The following COG5 variants were observed in gnomAD, a reference collection of about 807,000 sequenced individuals.
The protein encoded by COG5 is component of oligomeric golgi complex 5.
In COG5, 86 loss-of-function variants were observed where a neutral mutation model predicts 110.4. The observed-to-expected ratio is 0.78, with a 90% CI of 0.65 to 0.93. The LOEUF (loss-of-function observed/expected upper bound fraction) is 0.93, where lower values mean the gene tolerates loss of function less well. COG5 is among the 40% of genes least tolerant of loss of function. The pLI, the probability that COG5 is intolerant of heterozygous loss-of-function variation, is 0.00. For missense variants in COG5, 1,077 were observed against 987.0 expected, an observed-to-expected ratio of 1.09 and a Z score of -1.22; for synonymous variants, 360 against 334.6, an observed-to-expected ratio of 1.08 and a Z score of -0.83.
intron 6 of COG5, among the ~76,000 whole-genome samples, chr7:107,446,589 T>C (rs377057973): frequency 6.6e-6 from 1 of 152,132 alleles, no homozygotes; most frequent in African/African-American, 2.4e-5. Context: ...TAAAAAACAT[T>C]ATGGCTTCTA....
At chr7:107,369,510 C>A (rs1813934099) in intron 8 of COG5, among the ~76,000 whole-genome samples, 1 of 151,600 alleles carries the variant, frequency 6.6e-6, no homozygotes, top group African/African-American at 2.4e-5. Flanking sequence ...CCTCAGCCTC[C>A]TGAATAGCTG....
chr7:107,378,517 G>C (rs1375487002), intron 7 of COG5, among the ~76,000 whole-genome samples: 1 of 152,040 alleles, frequency 6.6e-6, no homozygotes, highest in African/African-American at 2.4e-5. Context: ...AGGAAGCTAA[G>C]AACCTTGAAA....
chr7:107,477,916 C>T (rs911004356), intron 6 of COG5, among the ~76,000 whole-genome samples: 2 of 151,638 alleles, frequency 1.3e-5, no homozygotes, highest in Admixed American at 6.6e-5. Flanking sequence ...AATAATTTTG[C>T]TCAAAAAAGC....
In COG5 at chr7:107,436,795, G is replaced by A. The variant is rs192892169; in HGVS notation, c.539-24163C>T. ...TAAAGCAATAGAGAATTAAAGCAGAGTTGGATCATGAGTGCTCAGCAAATG... is the reference window on the plus strand; with the variant it reads ...TAAAGCAATAGAGAATTAAAGCAGAATTGGATCATGAGTGCTCAGCAAATG... On this transcript the variant is annotated intron_variant, in intron 6 of 21. Transcript: ENST00000297135. Among the ~76,000 whole-genome samples, 187 of 152,290 alleles carry A rather than the reference G, an allele frequency of 1.2e-3. 1 individual carries two copies. The highest frequency in any genetic ancestry group is 4.1e-3 in the African/African-American group (170 of 41,564).
At chr7:107,405,083 AC>A (rs1791730416) in intron 7 of COG5, among the ~76,000 whole-genome samples, 1 of 152,164 alleles carries the variant, frequency 6.6e-6, no homozygotes, top group Non-Finnish European at 1.5e-5. Flanking sequence ...GTTAGAATAA[AC>A]TGCTTGGTCT....
intron 19 of COG5, among the ~76,000 whole-genome samples, chr7:107,226,900 T>C (rs1264031471): frequency 6.6e-6 from 1 of 152,196 alleles, no homozygotes; most frequent in Non-Finnish European, 1.5e-5. Flanking sequence ...AATACCTCTG[T>C]TGGAATTTTT....
At chr7:107,281,571 GA>G (rs1363805356) in intron 13 of COG5, among the ~76,000 whole-genome samples, 172 bp from the exon 14 acceptor site, 1 of 152,066 alleles carries the variant, frequency 6.6e-6, no homozygotes, top group Non-Finnish European at 1.5e-5. Flanking sequence ...TCAGCACTTG[GA>G]AAAAGTACCT....
chr7:107,547,860 C>A, intron 5 of COG5: 2 of 442,392 alleles, frequency 4.5e-6, no homozygotes, highest in Middle Eastern at 6.2e-4. Flanking sequence ...AGCTATAAAA[C>A]ATTGATGAAA....
intron 10 of COG5, among the ~76,000 whole-genome samples, chr7:107,335,331 G>A (rs1374959278): frequency 1.3e-5 from 2 of 151,958 alleles, no homozygotes; most frequent in South Asian, 4.2e-4. Context: ...TGGAGGTTGC[G>A]GTGAGCTGAC....
chr7:107,318,108 A>G (rs1417862207), intron 11 of COG5, among the ~76,000 whole-genome samples: 1 of 151,818 alleles, frequency 6.6e-6, no homozygotes, highest in African/African-American at 2.4e-5. Context: ...GCTCACTGCA[A>G]CCTCCACCTT....
chr7:107,275,708 G>A (rs991502531), intron 14 of COG5, among the ~76,000 whole-genome samples: 2 of 151,856 alleles, frequency 1.3e-5, no homozygotes, highest in Admixed American at 1.3e-4. Context: ...ACTTTTAGTA[G>A]AGATGAGGTT....
chr7:107,527,465 G>A, intron 5 of COG5, 108 bp from the exon 6 acceptor site: 2 of 1,218,934 alleles, frequency 1.6e-6, no homozygotes, highest in Non-Finnish European at 2.4e-6. Context: ...AACCACCATG[G>A]CACATGTTTA....
intron 6 of COG5, among the ~76,000 whole-genome samples, chr7:107,433,960 AC>A (rs1456116764): frequency 2.6e-5 from 4 of 152,210 alleles, no homozygotes; most frequent in Non-Finnish European, 4.4e-5. Flanking sequence ...CAATTAAGAA[AC>A]AAAAAAGCAA....
At chr7:107,506,502 G>T (rs1799016942) in intron 6 of COG5, among the ~76,000 whole-genome samples, 1 of 152,144 alleles carries the variant, frequency 6.6e-6, no homozygotes, top group Non-Finnish European at 1.5e-5. Flanking sequence ...TGGCACTGGG[G>T]TAATGTTCCA....
At chr7:107,533,551 G>A (rs1801363133) in intron 5 of COG5, among the ~76,000 whole-genome samples, 1 of 151,532 alleles carries the variant, frequency 6.6e-6, no homozygotes, top group Admixed American at 6.6e-5. Flanking sequence ...AGATCAAGTG[G>A]AAGAAAGGAT....
chr7:107,248,345 TACAAAATA>T lies in COG5; in HGVS notation c.1853+43_1853+50del, dbSNP rs747937608. On this transcript the variant is annotated intron_variant, in intron 17 of 21. Transcript: ENST00000297135. ...TAGGGAGTAAGCATAGAGGTGGGAA[TACAAAATA>T]AAGGCAGTAAAAGTTAGTAAAAATT... is the stretch of plus-strand genomic sequence containing the variant. 2.6e-6 allele frequency: 3 copies of T among 1,144,174 alleles called. No individual in the cohort carries two copies. The East Asian group carries it at 7.0e-5, about 27-fold the overall frequency. The allele number at this position is 1,144,174 out of a possible 1,614,324, so 70.9% of individuals were successfully genotyped here. A position where few individuals can be genotyped will look rare whatever the true frequency, so the allele number is the denominator to read the frequency against.
intron 19 of COG5, among the ~76,000 whole-genome samples, chr7:107,217,316 T>G (rs1281922719): frequency 6.6e-6 from 1 of 152,092 alleles, no homozygotes; most frequent in Non-Finnish European, 1.5e-5. Flanking sequence ...ATAAAAGGTT[T>G]AAAGAAGAGC....
In COG5 at chr7:107,202,366, T is replaced by C; in HGVS notation, c.*1150A>G. The C allele has an allele frequency of 6.6e-6, 1 of 152,632 alleles. No individual in the cohort carries two copies. Among genetic ancestry groups the C allele is most frequent in the African/African-American group, 2.4e-5 (1 of 41,450 alleles). 9.5% of individuals were successfully genotyped at this position (152,632 alleles called of 1,614,324 possible). On this transcript the variant is annotated 3_prime_UTR_variant, in exon 22 of 22. Transcript: ENST00000297135. ...CTGCTTTTGCTCTGAGCTACAATCA[T>C]GGCTTTTCATGTTACTTACCAAGTG... is the stretch of plus-strand genomic sequence containing the variant.
chr7:107,259,557 G>A (rs1803157759), intron 14 of COG5, among the ~76,000 whole-genome samples: 1 of 152,080 alleles, frequency 6.6e-6, no homozygotes, highest in African/African-American at 2.4e-5. Context: ...TGGCCATGGT[G>A]AGTGGCATCG....
Sources: allele counts gnomAD v4.1 joint callset (sites outside exome capture counted in the v4.1 genomes callset), GRCh38; gene constraint gnomAD v4.1.1; transcripts MANE v1.5; gene names NCBI Gene and HGNC (gene_info 2026-07-23, HGNC 2026-07-21).